The following ATP8B4 variants were observed in gnomAD, a reference collection of about 807,000 sequenced individuals.
ATP8B4 encodes the protein ATPase phospholipid transporting 8B4 (putative).
In ATP8B4, 133 loss-of-function variants were observed where a neutral mutation model predicts 145.6. That is an observed-to-expected ratio of 0.91 (90% CI 0.79 to 1.05). The LOEUF is 1.05. Ranked by LOEUF, ATP8B4 falls within the 50% of genes least tolerant of loss-of-function variation. The probability of loss-of-function intolerance (pLI) is 0.00; values close to 1 mark genes in which losing one functional copy is unlikely to be tolerated. For missense variants in ATP8B4, 1,458 were observed against 1,425.2 expected (o/e 1.02, Z -0.37); for synonymous variants, 507 against 492.9 (o/e 1.03, Z -0.38).
intron 1 of ATP8B4, among the ~76,000 whole-genome samples, chr15:50,125,663 C>A (rs2057302681): frequency 6.6e-6 from 1 of 152,166 alleles, no homozygotes; most frequent in Non-Finnish European, 1.5e-5. Context: ...AGTCATGTGA[C>A]CCCCAAACCC....
chr15:50,092,816 T>C (rs1410115779), intron 2 of ATP8B4, among the ~76,000 whole-genome samples: 1 of 152,008 alleles, frequency 6.6e-6, no homozygotes, highest in East Asian at 1.9e-4. Flanking sequence ...ATATTCTGAC[T>C]GGGAATTTTC....
rs1006033706 is a variant in ATP8B4 at position 49,961,866 on chromosome 15, A to T, written c.1287+111T>A. 4.6e-5 allele frequency: 40 copies of T among 874,560 alleles called. No homozygotes were observed. The East Asian group carries it at 9.6e-4, about 21-fold the overall frequency. The allele number at this position is 874,560 out of a possible 1,614,324, so 54.2% of individuals were successfully genotyped here. A position where few individuals can be genotyped will look rare whatever the true frequency, so the allele number is the denominator to read the frequency against. ...ATCTATTTTTTAATGCTATGCATTAAGTATCTCATCTGGTCTTGGTGGAAA... is the reference window on the plus strand; with the variant it reads ...ATCTATTTTTTAATGCTATGCATTATGTATCTCATCTGGTCTTGGTGGAAA... On this transcript the variant is annotated intron_variant, in intron 14 of 27. Coordinates refer to ENST00000284509, the MANE Select transcript of ATP8B4 (RefSeq NM_024837.4).
At chr15:49,961,524 A>G (rs1300072351) in intron 14 of ATP8B4, among the ~76,000 whole-genome samples, 2 of 152,232 alleles carry the variant, frequency 1.3e-5, no homozygotes, top group Non-Finnish European at 1.5e-5. Context: ...CTAGAAAAAT[A>G]TTGAAAATCC....
chr15:49,860,602 A>T (rs976499174), intron 27 of ATP8B4, 127 bp from the exon 28 acceptor site: 2 of 1,184,726 alleles, frequency 1.7e-6, no homozygotes, highest in Non-Finnish European at 2.3e-6. Context: ...GGAAGTTTTA[A>T]ATCTAAAAAC....
chr15:50,168,547 G>A (rs930432446), intron 1 of ATP8B4, among the ~76,000 whole-genome samples: 4 of 152,150 alleles, frequency 2.6e-5, no homozygotes, highest in Non-Finnish European at 5.9e-5. Flanking sequence ...GGGCCCTCAA[G>A]CAGCCCATTC....
In ATP8B4 at chr15:50,054,809, A is replaced by C. The variant is rs1305201961; in HGVS notation, c.88-7345T>G. On this transcript the variant is annotated intron_variant, in intron 3 of 27. Coordinates refer to ENST00000284509, the MANE Select transcript of ATP8B4 (RefSeq NM_024837.4). ...AAAAAAAAAAAAAAAAAAAAAAAAA[A>C]CAAAAAAAAAAAAACACCAACCTCA... 1.9e-3 allele frequency among the ~76,000 whole-genome samples: 230 copies of C among 119,498 alleles called. 5 individuals are homozygous for C. Among genetic ancestry groups the C allele is most frequent in the African/African-American group, 7.8e-3 (215 of 27,450 alleles). 78.4% of individuals were successfully genotyped at this position (119,498 alleles called of 152,430 possible). A position where few individuals can be genotyped will look rare whatever the true frequency, so the allele number is the denominator to read the frequency against.
intron 3 of ATP8B4, among the ~76,000 whole-genome samples, chr15:50,070,035 G>A (rs2153631231): frequency 6.6e-6 from 1 of 152,292 alleles, no homozygotes; most frequent in South Asian, 2.1e-4. Context: ...AAAAAAGTAA[G>A]AAATAAGAGT....
At position 50,105,709 on chromosome 15, in the gene ATP8B4, C is replaced by T. The variant is rs367646297; in HGVS notation, c.28+1230G>A. 3.8e-4 allele frequency among the ~76,000 whole-genome samples: 58 copies of T among 152,196 alleles called. 2 individuals carry two copies. In the East Asian group the frequency reaches 9.8e-3, roughly 26 times the overall value. On this transcript the variant is annotated intron_variant, in intron 2 of 27. Transcript: ENST00000284509. ...GCATGATTACAGCGACTTATGCTTT[C>T]TTATTTTTATTTCCAAAAATTTCCT...
intron 27 of ATP8B4, among the ~76,000 whole-genome samples, chr15:49,861,468 A>C (rs1277692378): frequency 3.4e-5 from 5 of 149,238 alleles, no homozygotes; most frequent in Non-Finnish European, 5.9e-5. Context: ...CTATCTATCT[A>C]TCTATCTACC....
At chr15:50,138,326 G>GTAGA (rs71124324) in intron 1 of ATP8B4, among the ~76,000 whole-genome samples, 15,759 of 148,072 alleles carry the variant, frequency 0.11, 1,181 homozygotes, top group African/African-American at 0.21. Flanking sequence ...AGATAGATAG[G>GTAGA]TAGATAGATA....
intron 3 of ATP8B4, among the ~76,000 whole-genome samples, chr15:50,067,849 C>T (rs1242447413): frequency 1.3e-5 from 2 of 152,028 alleles, no homozygotes; most frequent in Non-Finnish European, 2.9e-5. Flanking sequence ...TTGTACATTG[C>T]CGCAAATACT....
At chr15:49,954,741 C>G (rs1048461784) in intron 14 of ATP8B4, among the ~76,000 whole-genome samples, 15 of 152,108 alleles carry the variant, frequency 9.9e-5, no homozygotes, top group Admixed American at 7.9e-4. Context: ...GAAATGAGTC[C>G]AGCCACTGTG....
intron 6 of ATP8B4, among the ~76,000 whole-genome samples, chr15:50,021,221 C>T (rs1466990329): frequency 6.6e-6 from 1 of 152,264 alleles, no homozygotes; most frequent in Admixed American, 6.5e-5. Flanking sequence ...TCCATGGCAT[C>T]ATCATCATAC....
intron 2 of ATP8B4, among the ~76,000 whole-genome samples, chr15:50,090,130 C>T (rs899714235): frequency 2.0e-5 from 3 of 152,098 alleles, no homozygotes; most frequent in Non-Finnish European, 4.4e-5. Flanking sequence ...CCAAACATCG[C>T]ATGTTCTCAC....
chr15:49,972,888 G>A, intron 12 of ATP8B4, 98 bp from the exon 13 acceptor site: 1 of 1,203,988 alleles, frequency 8.3e-7, no homozygotes. Flanking sequence ...AAGTCTCCAG[G>A]GGTTAGAGGA....
intron 20 of ATP8B4, among the ~76,000 whole-genome samples, chr15:49,904,432 A>G (rs559125892): frequency 6.6e-6 from 1 of 152,320 alleles, no homozygotes; most frequent in African/African-American, 2.4e-5. Flanking sequence ...AGATCATGAA[A>G]ACTTGGGCTG....
chr15:50,008,203 C>G (rs1211103477), intron 7 of ATP8B4, among the ~76,000 whole-genome samples: 1 of 152,170 alleles, frequency 6.6e-6, no homozygotes, highest in African/African-American at 2.4e-5. Flanking sequence ...AGAACAGACT[C>G]TCTGCACACA....
chr15:50,097,250 A>G (rs1462440123), intron 2 of ATP8B4, among the ~76,000 whole-genome samples: 1 of 152,164 alleles, frequency 6.6e-6, no homozygotes, highest in Non-Finnish European at 1.5e-5. Flanking sequence ...TAGGTTCCAT[A>G]TCTTATTCAT....
intron 23 of ATP8B4, among the ~76,000 whole-genome samples, chr15:49,886,722 T>G (rs1174161298): frequency 6.6e-6 from 1 of 152,232 alleles, no homozygotes; most frequent in Non-Finnish European, 1.5e-5. Flanking sequence ...ACCTGAGTCC[T>G]TTACCTTAGA....
Sources: gnomAD v4.1 joint callset for allele counts (sites outside exome capture counted in the v4.1 genomes callset) on GRCh38, gnomAD v4.1.1 for gene constraint, MANE v1.5 for transcripts, NCBI Gene and HGNC (gene_info 2026-07-23, HGNC 2026-07-21) for gene names.